The following CALN1 variants were observed in gnomAD, a reference collection of about 807,000 sequenced individuals.
The protein encoded by CALN1 is calneuron 1, also known as calcium-binding protein 8.
A neutral mutation model predicts 30.6 loss-of-function variants in CALN1; 17 were observed. The ratio of observed to expected loss-of-function variants is 0.56; its 90% CI spans 0.38 to 0.83. CALN1 has a LOEUF of 0.83. Ranked by LOEUF, CALN1 falls within the 40% of genes least tolerant of loss-of-function variation. The probability of loss-of-function intolerance (pLI) is 0.00; values close to 1 mark genes in which losing one functional copy is unlikely to be tolerated. For missense variants in CALN1, 291 were observed against 354.9 expected, an observed-to-expected ratio of 0.82 and a Z score of 1.45; for synonymous variants, 156 against 131.4, an observed-to-expected ratio of 1.19 and a Z score of -1.28.
chr7:71,963,029 C>A (rs562212252), intron 5 of CALN1, among the ~76,000 whole-genome samples: 2 of 152,214 alleles, frequency 1.3e-5, no homozygotes, highest in South Asian at 4.2e-4. Context: ...ACATAGGTAT[C>A]CAAGATTTGT....
intron 2 of CALN1, among the ~76,000 whole-genome samples, chr7:72,388,029 A>G (rs1805346713): frequency 6.6e-6 from 1 of 152,174 alleles, no homozygotes; most frequent in South Asian, 2.1e-4. Context: ...GGTTGGTGCA[A>G]AAGTAATTGT....
chr7:72,149,778 T>A (rs939869931), intron 3 of CALN1, among the ~76,000 whole-genome samples: 5 of 152,070 alleles, frequency 3.3e-5, no homozygotes, highest in Non-Finnish European at 7.4e-5. Flanking sequence ...TTCTTGCACA[T>A]GGGCAGAAAG....
At chr7:72,044,598 A>ATTTTTTTTTTTT in intron 4 of CALN1, among the ~76,000 whole-genome samples, 1 of 114,436 alleles carries the variant, frequency 8.7e-6, no homozygotes, top group African/African-American at 3.5e-5. Flanking sequence ...TCCGCTTAAA[A>ATTTTTTTTTTTT]CTTTTTTTTT....
At chr7:72,351,635 TCA>T (rs1474964314) in intron 2 of CALN1, among the ~76,000 whole-genome samples, 1 of 152,160 alleles carries the variant, frequency 6.6e-6, no homozygotes, top group African/African-American at 2.4e-5. Context: ...TCATTTGATA[TCA>T]CACTGTTATA....
chr7:72,392,835 TA>T (rs11413695), intron 2 of CALN1, among the ~76,000 whole-genome samples: 14 of 149,776 alleles, frequency 9.3e-5, no homozygotes, highest in African/African-American at 2.5e-4. Context: ...CCTGTTTCAT[TA>T]AAAAAAAAAT....
At chr7:72,216,008 T>C (rs746278206) in intron 3 of CALN1, among the ~76,000 whole-genome samples, 5 of 152,144 alleles carry the variant, frequency 3.3e-5, no homozygotes, top group South Asian at 2.1e-4. Context: ...TTCCAGGCCA[T>C]TCAATTTCAC....
chr7:72,360,398 A>G (rs1803501267), intron 2 of CALN1, among the ~76,000 whole-genome samples: 1 of 152,048 alleles, frequency 6.6e-6, no homozygotes, highest in South Asian at 2.1e-4. Context: ...TTTTGGTACT[A>G]TTTTTACAAT....
chr7:72,203,979 C>CTATTTTTT lies in CALN1; in HGVS notation c.244+74706_244+74707insAAAAAATA, dbSNP rs59798860. Among the ~76,000 whole-genome samples, 272 of 83,808 alleles carry CTATTTTTT rather than the reference C, an allele frequency of 3.2e-3. 50 individuals carry two copies. Among genetic ancestry groups the CTATTTTTT allele is most frequent in the East Asian group, 0.015 (37 of 2,492 alleles). 55.0% of individuals were successfully genotyped at this position (83,808 alleles called of 152,430 possible). The stretch of plus-strand genomic sequence containing the variant: ...TAGCCTTCATATAAGAGGCCTCTCT[C>CTATTTTTT]TTTTTTTTTTTTTTTTTTTTTTTTT... On this transcript the variant is annotated intron_variant, in intron 3 of 6. Transcript: ENST00000395275.
At chr7:71,954,914 A>C (rs982021179) in intron 5 of CALN1, among the ~76,000 whole-genome samples, 27 of 152,054 alleles carry the variant, frequency 1.8e-4, no homozygotes, top group African/African-American at 6.0e-4. Flanking sequence ...TTTGACTATT[A>C]TTCTTCTTAT....
chr7:72,435,281 G>A (rs1007078303), intron 1 of CALN1, among the ~76,000 whole-genome samples: 1 of 151,812 alleles, frequency 6.6e-6, no homozygotes, highest in Non-Finnish European at 1.5e-5. Context: ...AAGGGAAGGG[G>A]AAGGGGAAGG....
intron 6 of CALN1, among the ~76,000 whole-genome samples, chr7:71,798,781 C>G (rs976136770): frequency 2.0e-5 from 3 of 151,794 alleles, no homozygotes; most frequent in African/African-American, 7.3e-5. Context: ...ACCACCATGA[C>G]CGACTAGCTT....
At chr7:71,816,752 G>C (rs966977090) in intron 5 of CALN1, among the ~76,000 whole-genome samples, 32 of 152,030 alleles carry the variant, frequency 2.1e-4, no homozygotes, top group African/African-American at 7.5e-4. Context: ...GTTCGATCAC[G>C]AGGTCAGGAG....
chr7:72,241,566 C>T (rs1365254479), intron 3 of CALN1, among the ~76,000 whole-genome samples: 1 of 151,916 alleles, frequency 6.6e-6, no homozygotes, highest in Non-Finnish European at 1.5e-5. Flanking sequence ...ATTAGCCAGG[C>T]GTGGTGGCGC....
the CALN1 span, among the ~76,000 whole-genome samples, chr7:72,472,964 G>T: frequency 6.6e-6 from 1 of 152,124 alleles, no homozygotes; most frequent in East Asian, 1.9e-4. Flanking sequence ...AGCTGCTGCT[G>T]CTAGTCTAAC....
chr7:72,319,475 C>T (rs1484729763), intron 2 of CALN1, among the ~76,000 whole-genome samples: 2 of 152,186 alleles, frequency 1.3e-5, no homozygotes, highest in East Asian at 1.9e-4. Flanking sequence ...TCAACTACCT[C>T]CCACTGGGTC....
At chr7:71,847,498 C>T (rs927765367) in intron 5 of CALN1, among the ~76,000 whole-genome samples, 2 of 150,650 alleles carry the variant, frequency 1.3e-5, no homozygotes, top group African/African-American at 4.9e-5. Context: ...AAAACAAAAC[C>T]AAAACCAAAA....
chr7:72,330,662 A>G (rs559321777), intron 2 of CALN1, among the ~76,000 whole-genome samples: 2 of 152,358 alleles, frequency 1.3e-5, no homozygotes, highest in Admixed American at 1.3e-4. Context: ...AGAGATGCTC[A>G]ATACATTCTG....
intron 2 of CALN1, among the ~76,000 whole-genome samples, chr7:72,397,714 TCACA>T (rs3138810): frequency 0.015 from 2,203 of 142,846 alleles, 21 homozygotes; most frequent in Admixed American, 0.019. Flanking sequence ...CCATTCTCTC[TCACA>T]CACACACACA....
rs183836582 is a variant in CALN1, at chr7:72,079,143, C to A, written c.388+27008G>T. Among the ~76,000 whole-genome samples, 4 of 152,268 alleles carry A rather than the reference C, an allele frequency of 2.6e-5. No homozygotes were observed. The East Asian group carries it at 5.8e-4, about 22-fold the overall frequency. Reference sequence around the variant, plus strand: ...GTGAATTCTTCAAGGATGCAAAGCTCACAATGGCTGAGGACCTTCAAGGAT... The same window carrying A: ...GTGAATTCTTCAAGGATGCAAAGCTAACAATGGCTGAGGACCTTCAAGGAT... On this transcript the variant is annotated intron_variant, in intron 4 of 6. Coordinates refer to ENST00000395275, the MANE Select transcript of CALN1 (RefSeq NM_031468.4).
Sources: allele counts gnomAD v4.1 joint callset (sites outside exome capture counted in the v4.1 genomes callset), GRCh38; gene constraint gnomAD v4.1.1; transcripts MANE v1.5; gene names NCBI Gene and HGNC (gene_info 2026-07-23, HGNC 2026-07-21).